The following CACNA2D1 variants were observed in gnomAD, a reference collection of about 807,000 sequenced individuals.
CACNA2D1 encodes the protein calcium voltage-gated channel auxiliary subunit alpha2delta 1, also known as voltage-dependent calcium channel subunit alpha-2/delta-1.
A neutral mutation model predicts 171.5 loss-of-function variants in CACNA2D1; 53 were observed. The observed-to-expected ratio is 0.31, with a 90% CI of 0.25 to 0.39. The LOEUF (loss-of-function observed/expected upper bound fraction) is 0.39, where lower values mean the gene tolerates loss of function less well. Ranked by LOEUF, CACNA2D1 falls within the 10% of genes least tolerant of loss-of-function variation. CACNA2D1 has a pLI of 1.00. For synonymous variants in CACNA2D1, 442 were observed against 443.1 expected (o/e 1.00, Z 0.03); for missense variants, 903 against 1,299.8 (o/e 0.69, Z 4.69).
chr7:82,272,514 GA>G (rs1196803328), intron 3 of CACNA2D1, among the ~76,000 whole-genome samples: 1 of 152,136 alleles, frequency 6.6e-6, no homozygotes, highest in Admixed American at 6.6e-5. Flanking sequence ...AAGGTAATGT[GA>G]ATCCCTCCTT....
In CACNA2D1 at chr7:82,223,363, T is replaced by C. The variant is rs574418047; in HGVS notation, c.295-52754A>G. On this transcript the variant is annotated intron_variant, in intron 3 of 38. Transcript: ENST00000356860. ...CTTCTCAATCTGCCAGTCTTAAAAT[T>C]TGTTTCCCCAAGGTATCCACTAGGG... 2.6e-5 allele frequency among the ~76,000 whole-genome samples: 4 copies of C among 152,314 alleles called. 1 individual carries two copies. In the South Asian group the frequency reaches 8.3e-4, roughly 32 times the overall value.
intron 6 of CACNA2D1, among the ~76,000 whole-genome samples, chr7:82,114,197 A>C (rs1267299949): frequency 6.6e-6 from 1 of 152,190 alleles, no homozygotes; most frequent in Non-Finnish European, 1.5e-5. Context: ...TTTTTAAAAA[A>C]ATTTTTTAAA....
intron 7 of CACNA2D1, 116 bp downstream of exon 7, chr7:82,084,653 T>C: frequency 8.5e-7 from 1 of 1,181,768 alleles, no homozygotes. Flanking sequence ...GTTCTTTCCT[T>C]ATAAAAGTAG....
chr7:82,171,360 T>C (rs1796000976), intron 3 of CACNA2D1, among the ~76,000 whole-genome samples: 1 of 152,076 alleles, frequency 6.6e-6, no homozygotes, highest in South Asian at 2.1e-4. Flanking sequence ...TCTCTTTGTA[T>C]TTTTCAACTT....
intron 3 of CACNA2D1, among the ~76,000 whole-genome samples, chr7:82,225,012 C>T (rs898403255): frequency 6.6e-6 from 1 of 152,176 alleles, no homozygotes; most frequent in Non-Finnish European, 1.5e-5. Flanking sequence ...CTTTCTCTCT[C>T]AACTTTTTCT....
At chr7:82,057,559 C>A (rs554727404) in intron 10 of CACNA2D1, among the ~76,000 whole-genome samples, 1 of 39,318 alleles carries the variant, frequency 2.5e-5, no homozygotes, top group Non-Finnish European at 9.0e-5. Flanking sequence ...TGCCAGTAGA[C>A]CTACAAGAAA....
chr7:82,219,438 TAAC>T (rs1801517415), intron 3 of CACNA2D1, among the ~76,000 whole-genome samples: 1 of 152,092 alleles, frequency 6.6e-6, no homozygotes, highest in African/African-American at 2.4e-5. Flanking sequence ...TTTCCAATAT[TAAC>T]AAAAAATCAT....
chr7:82,400,811 C>G (rs1158256659), intron 1 of CACNA2D1, among the ~76,000 whole-genome samples: 1 of 150,922 alleles, frequency 6.6e-6, no homozygotes, highest in Non-Finnish European at 1.5e-5. Flanking sequence ...ACTCATCTGA[C>G]AAAGGGCTAA....
chr7:82,356,663 TA>T (rs914924985), intron 1 of CACNA2D1, among the ~76,000 whole-genome samples: 14 of 151,840 alleles, frequency 9.2e-5, no homozygotes, highest in African/African-American at 3.1e-4. Context: ...ACCATTTTTT[TA>T]AAAAAAATAG....
At chr7:82,269,684 G>A (rs1808364610) in intron 3 of CACNA2D1, among the ~76,000 whole-genome samples, 1 of 152,114 alleles carries the variant, frequency 6.6e-6, no homozygotes, top group Admixed American at 6.6e-5. Flanking sequence ...CCAGCTTAAT[G>A]TCCAAAACAT....
chr7:82,265,512 A>G (rs1257314098), intron 3 of CACNA2D1, among the ~76,000 whole-genome samples: 1 of 144,728 alleles, frequency 6.9e-6, no homozygotes, highest in African/African-American at 2.5e-5. Flanking sequence ...AAATCCCCAC[A>G]TCCCATTTAC....
chr7:82,443,590 G>C lies in CACNA2D1; in HGVS notation c.-131C>G, dbSNP rs1286946300. 2 of 1,422,022 alleles carry C rather than the reference G, an allele frequency of 1.4e-6. No homozygotes were observed. Among genetic ancestry groups the C allele is most frequent in the Non-Finnish European group, 1.8e-6 (2 of 1,089,580 alleles). The allele number at this position is 1,422,022 out of a possible 1,614,324, so 88.1% of individuals were successfully genotyped here. On this transcript the variant is annotated 5_prime_UTR_variant, in exon 1 of 39. Coordinates refer to ENST00000356860, the MANE Select transcript of CACNA2D1 (RefSeq NM_000722.4). The stretch of plus-strand genomic sequence containing the variant: ...CGTCTGGAGGGCTGGCTGCGCCCGG[G>C]GCCCGAGGCGCGGAGCCGCGCGGGG...
In CACNA2D1 at chr7:82,099,422, C is replaced by CTTTTTTTTTTTTTTTTTTTT. The variant is rs932080938; in HGVS notation, c.527-14542_527-14523dup. On this transcript the variant is annotated intron_variant, in intron 6 of 38. Transcript: ENST00000356860. ...ACTCTAAAACAGGTAGCAATACCTT[C>CTTTTTTTTTTTTTTTTTTTT]TTTTTTTTTTTTTTTTTTTTTTTTT... is the stretch of plus-strand genomic sequence containing the variant. Among the ~76,000 whole-genome samples the CTTTTTTTTTTTTTTTTTTTT allele has an allele frequency of 1.5e-4, 6 of 40,292 alleles. 1 individual carries two copies. Among genetic ancestry groups the CTTTTTTTTTTTTTTTTTTTT allele is most frequent in the Non-Finnish European group, 2.0e-4 (4 of 20,272 alleles). The allele number at this position is 40,292 out of a possible 152,430, so 26.4% of individuals were successfully genotyped here. A position where few individuals can be genotyped will look rare whatever the true frequency, so the allele number is the denominator to read the frequency against.
intron 12 of CACNA2D1, among the ~76,000 whole-genome samples, chr7:82,015,830 C>T (rs1388685790): frequency 1.3e-5 from 2 of 152,154 alleles, no homozygotes. Flanking sequence ...TCTGTTCTTT[C>T]ACTGGTCTTG....
At chr7:82,171,415 A>C (rs7778477) in intron 3 of CACNA2D1, among the ~76,000 whole-genome samples, 1 of 151,930 alleles carries the variant, frequency 6.6e-6, no homozygotes, top group African/African-American at 2.4e-5. Context: ...AGACAGTGAC[A>C]TTTAATGGTT....
At chr7:82,143,379 T>C (rs1792618163) in intron 4 of CACNA2D1, among the ~76,000 whole-genome samples, 1 of 152,164 alleles carries the variant, frequency 6.6e-6, no homozygotes, top group Admixed American at 6.6e-5. Flanking sequence ...TTTTTATATA[T>C]GAAAAATATC....
At position 82,317,862 on chromosome 7, in the gene CACNA2D1, T is replaced by A. The variant is rs1815307630; in HGVS notation, c.294+17273A>T. ...TTTGGGGAAAAAGAATGACGGTGAA[T>A]ACATTAAACATCTGTAAATTTAGTG... On this transcript the variant is annotated intron_variant, in intron 3 of 38. Coordinates refer to ENST00000356860, the MANE Select transcript of CACNA2D1 (RefSeq NM_000722.4). Among the ~76,000 whole-genome samples, 2 of 151,962 alleles carry A rather than the reference T, an allele frequency of 1.3e-5. 1 individual carries two copies. Among genetic ancestry groups the A allele is most frequent in the South Asian group, 4.2e-4 (2 of 4,810 alleles).
chr7:82,357,661 G>C (rs1267565195), intron 1 of CACNA2D1, among the ~76,000 whole-genome samples: 1 of 149,398 alleles, frequency 6.7e-6, no homozygotes, highest in East Asian at 2.0e-4. Flanking sequence ...GAGACAAAGA[G>C]GGAATGGGAA....
intron 12 of CACNA2D1, among the ~76,000 whole-genome samples, chr7:82,027,196 T>C (rs1020368048): frequency 6.6e-6 from 1 of 151,678 alleles, no homozygotes; most frequent in African/African-American, 2.4e-5. Context: ...AAATGTATAA[T>C]TGGGTTCTTT....
Sources: gnomAD v4.1 joint callset for allele counts (sites outside exome capture counted in the v4.1 genomes callset) on GRCh38, gnomAD v4.1.1 for gene constraint, MANE v1.5 for transcripts, NCBI Gene and HGNC (gene_info 2026-07-23, HGNC 2026-07-21) for gene names.